SGCZ: variants seen among roughly 807,000 people sequenced by gnomAD.
SGCZ encodes sarcoglycan zeta, also known as zeta-sarcoglycan.
In SGCZ, 40 loss-of-function variants were observed where a neutral mutation model predicts 41.3. The ratio of observed to expected loss-of-function variants is 0.97; its 90% CI spans 0.75 to 1.26. The LOEUF (loss-of-function observed/expected upper bound fraction) is 1.26. Among genes scored for constraint, SGCZ ranks in the 50% most tolerant of loss-of-function variants. SGCZ has a pLI of 0.00. For synonymous variants in SGCZ, 206 were observed against 137.5 expected, an observed-to-expected ratio of 1.50 and a Z score of -3.49; for missense variants, 552 against 369.8, an observed-to-expected ratio of 1.49 and a Z score of -4.04.
chr8:14,735,082 T>G (rs1798986431), intron 1 of SGCZ, among the ~76,000 whole-genome samples: 1 of 152,142 alleles, frequency 6.6e-6, no homozygotes, highest in Non-Finnish European at 1.5e-5. Flanking sequence ...GAGTATCAAT[T>G]TCATGAATCC....
At chr8:14,800,057 C>T (rs2246792) in intron 1 of SGCZ, among the ~76,000 whole-genome samples, 81,505 of 151,930 alleles carry the variant, frequency 0.54, 22,038 homozygotes, top group East Asian at 0.73. Context: ...ATTCCAAAAC[C>T]ATTATGTACT....
At chr8:14,707,154 C>A (rs1031713367) in intron 1 of SGCZ, among the ~76,000 whole-genome samples, 1 of 150,896 alleles carries the variant, frequency 6.6e-6, no homozygotes, top group Non-Finnish European at 1.5e-5. Flanking sequence ...TATGGCATTA[C>A]CTATATCTCC....
At chr8:14,996,827 G>C (rs761253312) in intron 1 of SGCZ, among the ~76,000 whole-genome samples, 4 of 152,164 alleles carry the variant, frequency 2.6e-5, no homozygotes, top group Non-Finnish European at 5.9e-5. Flanking sequence ...GTATTTGATA[G>C]TTATTCACCA....
chr8:14,409,525 T>C (rs1799304579), intron 2 of SGCZ, among the ~76,000 whole-genome samples: 1 of 152,130 alleles, frequency 6.6e-6, no homozygotes, highest in African/African-American at 2.4e-5. Context: ...CATGGCTGCC[T>C]CATAAGAACT....
intron 2 of SGCZ, among the ~76,000 whole-genome samples, chr8:14,365,311 TTTAG>T (rs1377969686): frequency 6.6e-5 from 10 of 152,248 alleles, no homozygotes; most frequent in Admixed American, 5.9e-4. Context: ...AGTTAATTAC[TTTAG>T]TTAAATAATT....
At chr8:14,570,406 C>T (rs1804514859) in intron 1 of SGCZ, among the ~76,000 whole-genome samples, 1 of 152,122 alleles carries the variant, frequency 6.6e-6, no homozygotes, top group African/African-American at 2.4e-5. Flanking sequence ...ACTCTTCTTG[C>T]TATTTATGTC....
At chr8:14,793,272 A>T (rs1156414105) in intron 1 of SGCZ, among the ~76,000 whole-genome samples, 1 of 152,188 alleles carries the variant, frequency 6.6e-6, no homozygotes, top group African/African-American at 2.4e-5. Flanking sequence ...CTGCTAAAAC[A>T]GCCTTGTAAC....
At chr8:14,942,813 C>T (rs1201226756) in intron 1 of SGCZ, among the ~76,000 whole-genome samples, 1 of 152,114 alleles carries the variant, frequency 6.6e-6, no homozygotes, top group Non-Finnish European at 1.5e-5. Flanking sequence ...ATTGATTAGG[C>T]ATTTATCTTA....
chr8:14,407,275 G>T (rs1195612545), intron 2 of SGCZ, among the ~76,000 whole-genome samples: 1 of 151,836 alleles, frequency 6.6e-6, no homozygotes, highest in East Asian at 1.9e-4. Context: ...CACCATGCTG[G>T]CCAGGCTGGT....
intron 1 of SGCZ, among the ~76,000 whole-genome samples, chr8:14,566,754 C>G (rs896874964): frequency 1.3e-5 from 2 of 152,246 alleles, no homozygotes; most frequent in South Asian, 4.1e-4. Flanking sequence ...CGCCGCTGCA[C>G]TGTGGGAGCC....
At chr8:14,794,635 T>A (rs1018826911) in intron 1 of SGCZ, among the ~76,000 whole-genome samples, 1 of 152,140 alleles carries the variant, frequency 6.6e-6, no homozygotes, top group Non-Finnish European at 1.5e-5. Context: ...AATAGCATCA[T>A]CAGAATGTTT....
rs557337906 is a variant in SGCZ, at chr8:14,770,122, A to G, written c.40-215196T>C. Among the ~76,000 whole-genome samples the G allele has an allele frequency of 1.4e-3, 205 of 144,864 alleles. 2 individuals are homozygous for G. The highest frequency in any genetic ancestry group is 0.011 in the Middle Eastern group (3 of 276). On this transcript the variant is annotated intron_variant, in intron 1 of 7. Transcript: ENST00000382080. ...AGTATAATAATATTTTTATAATACA[A>G]TAATAATTATATCTATTATATACAT...
chr8:14,439,133 T>C lies in SGCZ; in HGVS notation c.235-114929A>G, dbSNP rs917778220. On this transcript the variant is annotated intron_variant, in intron 2 of 7. Coordinates refer to ENST00000382080, the MANE Select transcript of SGCZ (RefSeq NM_139167.4). ...TTCGATTCCCCTATGGGCTCTGCCT[T>C]TGACCGTGATACATTTGTTAAAGGG... 2.2e-4 allele frequency among the ~76,000 whole-genome samples: 33 copies of C among 152,068 alleles called. No homozygotes were observed. The South Asian group carries it at 4.6e-3, about 21-fold the overall frequency.
intron 2 of SGCZ, among the ~76,000 whole-genome samples, chr8:14,398,031 T>C (rs1798967899): frequency 6.6e-6 from 1 of 152,096 alleles, no homozygotes. Flanking sequence ...GACCATCAAC[T>C]CAAAGGACCC....
intron 2 of SGCZ, among the ~76,000 whole-genome samples, chr8:14,528,194 T>C (rs927784216): frequency 1.3e-5 from 2 of 152,132 alleles, no homozygotes; most frequent in Non-Finnish European, 1.5e-5. Context: ...AATTATTTAC[T>C]ACATACCGAA....
intron 1 of SGCZ, among the ~76,000 whole-genome samples, chr8:14,891,365 C>A (rs1458367807): frequency 1.3e-5 from 2 of 152,090 alleles, no homozygotes; most frequent in Admixed American, 1.3e-4. Context: ...CAGTCATGGA[C>A]GACTTTGAGA....
chr8:14,504,088 CT>C (rs1379807410), intron 2 of SGCZ, among the ~76,000 whole-genome samples: 1 of 151,802 alleles, frequency 6.6e-6, no homozygotes, highest in South Asian at 2.1e-4. Flanking sequence ...GTTTATTTTT[CT>C]TTTTTGTCTC....
intron 1 of SGCZ, among the ~76,000 whole-genome samples, chr8:15,207,523 G>A (rs1801105827): frequency 6.6e-6 from 1 of 152,164 alleles, no homozygotes; most frequent in Admixed American, 6.5e-5. Context: ...CAGAGAAGTG[G>A]AGCAGACTGC....
intron 2 of SGCZ, among the ~76,000 whole-genome samples, chr8:14,549,217 G>C (rs1288789075): frequency 6.6e-6 from 1 of 152,024 alleles, no homozygotes; most frequent in Non-Finnish European, 1.5e-5. Flanking sequence ...GAGGAAGTCA[G>C]ACAGAGCTAG....
Sources: gnomAD v4.1 joint callset for allele counts (sites outside exome capture counted in the v4.1 genomes callset) on GRCh38, gnomAD v4.1.1 for gene constraint, MANE v1.5 for transcripts, NCBI Gene and HGNC (gene_info 2026-07-23, HGNC 2026-07-21) for gene names.